PPP2R3A: variants seen among roughly 807,000 people sequenced by gnomAD.
PPP2R3A encodes the protein protein phosphatase 2 regulatory subunit B''alpha, also known as serine/threonine-protein phosphatase 2A regulatory subunit B'' subunit alpha.
A neutral mutation model predicts 106.9 loss-of-function variants in PPP2R3A; 80 were observed. The observed-to-expected ratio is 0.75, with a 90% confidence interval of 0.62 to 0.90. PPP2R3A has a LOEUF of 0.90. Among genes scored for constraint, PPP2R3A ranks in the 40% least tolerant of loss-of-function variants. The pLI is 0.00. For missense variants in PPP2R3A, 1,386 were observed against 1,350.4 expected (o/e 1.03, Z -0.41); for synonymous variants, 483 against 468.3 (o/e 1.03, Z -0.41).
chr3:136,003,015 A>G lies in PPP2R3A; in HGVS notation c.1517A>G (p.Gln506Arg). The G allele has an allele frequency of 6.2e-7, 1 of 1,613,512 alleles. No homozygotes were observed. Among genetic ancestry groups the G allele is most frequent in the South Asian group, 1.1e-5 (1 of 90,910 alleles). The change falls in exon 2 of 14, where the codon CAG (glutamine) becomes CGG (arginine). Residue 506 changes from glutamine (Q) to arginine (R), a missense_variant. Transcript: ENST00000264977. ...AGAGATTTTACAAATTCCAGTAGCC[A>G]GGAAGAGATAGATAAATTGTTAATG... is the stretch of plus-strand genomic sequence containing the variant. ...DQRDFTNSSSQEEIDKLLMDL... is the reference protein window; with the variant it reads ...DQRDFTNSSSREEIDKLLMDL...
At chr3:135,978,446 T>C (rs2107755655) in intron 1 of PPP2R3A, among the ~76,000 whole-genome samples, 1 of 151,838 alleles carries the variant, frequency 6.6e-6, no homozygotes, top group African/African-American at 2.4e-5. Flanking sequence ...TAATTCATTT[T>C]CACCTTTGTA....
chr3:136,003,519 A>C, intron 2 of PPP2R3A, 26 bp downstream of exon 2: 2 of 1,525,320 alleles, frequency 1.3e-6, no homozygotes, highest in Non-Finnish European at 1.8e-6. Flanking sequence ...TTTGAGTCCT[A>C]GGAACTCTTT....
chr3:135,995,354 A>G (rs1933344625), intron 1 of PPP2R3A, among the ~76,000 whole-genome samples: 1 of 152,038 alleles, frequency 6.6e-6, no homozygotes, highest in Admixed American at 6.5e-5. Context: ...TTCATATGCC[A>G]TTAAGAAAAA....
At chr3:136,132,889 G>GGT in intron 13 of PPP2R3A, among the ~76,000 whole-genome samples, 1 of 151,994 alleles carries the variant, frequency 6.6e-6, no homozygotes, top group African/African-American at 2.4e-5. Context: ...TTGTAGCACT[G>GGT]GTATATATAT....
At chr3:136,019,440 C>T (rs1392946793) in intron 2 of PPP2R3A, among the ~76,000 whole-genome samples, 3 of 152,126 alleles carry the variant, frequency 2.0e-5, no homozygotes, top group Non-Finnish European at 2.9e-5. Flanking sequence ...CTTATAATTC[C>T]CAGCCCCATA....
intron 13 of PPP2R3A, among the ~76,000 whole-genome samples, chr3:136,121,366 G>A (rs930925472): frequency 1.3e-5 from 2 of 152,078 alleles, no homozygotes; most frequent in Admixed American, 6.6e-5. Context: ...CTCACTTATA[G>A]GTGGGAGCTA....
Position 136,002,810 on chromosome 3 carries a change from A to C in PPP2R3A, c.1312A>C (p.Ser438Arg), listed in dbSNP as rs1294004799. Reference sequence around the variant, plus strand: ...AGGACAAAAGACAGAGAATGGACCTAGTCATGAGTTATTAAAGGTAAATGA... The same window carrying C: ...AGGACAAAAGACAGAGAATGGACCTCGTCATGAGTTATTAAAGGTAAATGA... ...DKGQKTENGP[S>R]HELLKVNEHR... The change falls in exon 2 of 14, where the codon AGT (serine) becomes CGT (arginine). Residue 438 changes from serine (S) to arginine (R), a missense_variant. Physicochemically the swap from Ser to Arg is moderately radical, Grantham distance 110. Coordinates refer to ENST00000264977, the MANE Select transcript of PPP2R3A (RefSeq NM_002718.5). 1.2e-6 allele frequency: 2 copies of C among 1,613,974 alleles called. No homozygotes were observed. Among genetic ancestry groups the C allele is most frequent in the Non-Finnish European group, 1.7e-6 (2 of 1,179,846 alleles).
intron 1 of PPP2R3A, among the ~76,000 whole-genome samples, chr3:135,988,346 C>T (rs763635324): frequency 2.0e-4 from 31 of 151,888 alleles, no homozygotes; most frequent in Non-Finnish European, 4.0e-4. Context: ...ATTGGCTCTA[C>T]TTTCAAAATA....
At chr3:136,135,684 A>G (rs1938585046) in intron 13 of PPP2R3A, among the ~76,000 whole-genome samples, 1 of 152,164 alleles carries the variant, frequency 6.6e-6, no homozygotes, top group Non-Finnish European at 1.5e-5. Flanking sequence ...AATCTAAGAT[A>G]TTATATGTAA....
chr3:136,127,282 G>T (rs143694979), intron 13 of PPP2R3A, among the ~76,000 whole-genome samples: 2 of 152,132 alleles, frequency 1.3e-5, no homozygotes, highest in Admixed American at 1.3e-4. Flanking sequence ...AAGATCAGAC[G>T]AATGGCTAAC....
chr3:136,058,187 T>A (rs1368870903), intron 5 of PPP2R3A, among the ~76,000 whole-genome samples: 1 of 152,116 alleles, frequency 6.6e-6, no homozygotes, highest in African/African-American at 2.4e-5. Context: ...GTCAGGGCAG[T>A]CAGGCAAGAG....
intron 1 of PPP2R3A, among the ~76,000 whole-genome samples, chr3:135,967,665 T>C (rs1194268090): frequency 6.6e-6 from 1 of 152,174 alleles, no homozygotes; most frequent in African/African-American, 2.4e-5. Context: ...TGGCCCCTGT[T>C]ACCTTTCAAA....
At chr3:136,096,990 TTTTG>T (rs1937231387) in intron 10 of PPP2R3A, among the ~76,000 whole-genome samples, 1 of 152,236 alleles carries the variant, frequency 6.6e-6, no homozygotes, top group Non-Finnish European at 1.5e-5. Context: ...AAAAATGTAA[TTTTG>T]TTTATGTCTA....
In PPP2R3A at chr3:136,010,488, G is replaced by A. The variant is rs555672310; in HGVS notation, c.1995+6995G>A. Among the ~76,000 whole-genome samples, 309 of 145,096 alleles carry A rather than the reference G, an allele frequency of 2.1e-3. 3 individuals carry two copies. Among genetic ancestry groups the A allele is most frequent in the African/African-American group, 7.5e-3 (292 of 38,876 alleles). On this transcript the variant is annotated intron_variant, in intron 2 of 13. Coordinates refer to ENST00000264977, the MANE Select transcript of PPP2R3A (RefSeq NM_002718.5). ...GTCGCCCAGGCTGGAGTGCAGTGGC[G>A]GGATCTCGGCTCACTGCAAGCTCCG... is the stretch of plus-strand genomic sequence containing the variant.
At chr3:136,114,596 C>G (rs908234688) in intron 13 of PPP2R3A, among the ~76,000 whole-genome samples, 2 of 152,128 alleles carry the variant, frequency 1.3e-5, no homozygotes, top group African/African-American at 4.8e-5. Flanking sequence ...CAGCTTGATG[C>G]AGGGAGGGGG....
chr3:136,096,679 C>CA (rs1239945593), intron 10 of PPP2R3A, among the ~76,000 whole-genome samples: 1 of 152,224 alleles, frequency 6.6e-6, no homozygotes, highest in African/African-American at 2.4e-5. Context: ...ACAGAATATA[C>CA]ATTTAATTAC....
At chr3:136,062,174 C>T (rs1022074884) in intron 5 of PPP2R3A, among the ~76,000 whole-genome samples, 2 of 151,996 alleles carry the variant, frequency 1.3e-5, no homozygotes, top group African/African-American at 4.8e-5. Context: ...AGTTTATCTC[C>T]TTTATAAGTT....
intron 2 of PPP2R3A, among the ~76,000 whole-genome samples, chr3:136,006,989 C>T (rs937179134): frequency 6.6e-6 from 1 of 152,184 alleles, no homozygotes; most frequent in Non-Finnish European, 1.5e-5. Context: ...GCCTACCTGT[C>T]CTTCAGGTGG....
At chr3:136,010,757 G>A (rs1934039350) in intron 2 of PPP2R3A, among the ~76,000 whole-genome samples, 1 of 152,032 alleles carries the variant, frequency 6.6e-6, no homozygotes, top group South Asian at 2.1e-4. Context: ...GACCTACACT[G>A]GGGCTTTATT....
Sources: allele counts gnomAD v4.1 joint callset (sites outside exome capture counted in the v4.1 genomes callset), GRCh38; gene constraint gnomAD v4.1.1; transcripts MANE v1.5; gene names NCBI Gene and HGNC (gene_info 2026-07-23, HGNC 2026-07-21).